The following GHRL variants were observed in gnomAD, a reference collection of about 807,000 sequenced individuals.
GHRL encodes the protein appetite-regulating hormone.
Under a neutral mutation model 16.9 loss-of-function variants are expected in GHRL, and 24 were observed. The ratio of observed to expected loss-of-function variants is 1.42; its 90% confidence interval spans 1.03 to 2.00. The LOEUF (loss-of-function observed/expected upper bound fraction) is 2.00. Among genes scored for constraint, GHRL ranks in the 30% most tolerant of loss-of-function variants. The pLI is 0.00. For synonymous variants in GHRL, 63 were observed against 58.2 expected (o/e 1.08, Z -0.37); for missense variants, 193 against 142.1 (o/e 1.36, Z -1.82).
Position 10,291,091 on chromosome 3 carries a change from G to A in GHRL, c.-405C>T. On this transcript the variant is annotated 5_prime_UTR_variant, in exon 2 of 6. Transcript: ENST00000335542. ...CGCCCTTTCTCCCTGGGTAAAATGA[G>A]GCTGTCATCACTAGGAGAGCTCTGA... The A allele has an allele frequency of 1.0e-6, 1 of 985,670 alleles. No homozygotes were observed. Among genetic ancestry groups the A allele is most frequent in the Non-Finnish European group, 1.2e-6 (1 of 830,106 alleles). 61.1% of individuals were successfully genotyped at this position (985,670 alleles called of 1,614,324 possible).
At chr3:10,292,532 A>T (rs1355502125) in intron 1 of GHRL, 2 of 364,340 alleles carry the variant, frequency 5.5e-6, no homozygotes, top group African/African-American at 4.3e-5. Context: ...TGAGGGACAA[A>T]GTACCTCCTG....
chr3:10,285,978 G>A, intron 5 of GHRL, 84 bp from the exon 6 acceptor site: 1 of 1,237,802 alleles, frequency 8.1e-7, no homozygotes, highest in Non-Finnish European at 1.2e-6. Context: ...TTGGAGGTGG[G>A]ATGTAATGGT....
chr3:10,288,621 C>T (rs187828135), intron 4 of GHRL, among the ~76,000 whole-genome samples: 7 of 152,314 alleles, frequency 4.6e-5, no homozygotes, highest in South Asian at 4.1e-4. Context: ...TGGATCCCAC[C>T]GTGTAGAGGA....
intron 4 of GHRL, among the ~76,000 whole-genome samples, chr3:10,288,870 G>C (rs1339341096): frequency 1.3e-5 from 2 of 152,224 alleles, no homozygotes; most frequent in Non-Finnish European, 2.9e-5. Context: ...CCCTGACCTT[G>C]TGTCGCGTCC....
intron 1 of GHRL, chr3:10,292,250 T>C (rs1360625868): frequency 6.6e-6 from 1 of 152,342 alleles, no homozygotes; most frequent in Non-Finnish European, 1.5e-5. Flanking sequence ...GATTCCCCCA[T>C]GGATCTCTTG....
chr3:10,291,783 G>A (rs1700054769), intron 1 of GHRL, among the ~76,000 whole-genome samples: 1 of 152,210 alleles, frequency 6.6e-6, no homozygotes, highest in Middle Eastern at 3.2e-3. Context: ...AGCAGTTCAG[G>A]AGAGGAGCTC....
At position 10,290,581 on chromosome 3, in the gene GHRL, G is replaced by A; in HGVS notation, c.-30+135C>T. Reference sequence around the variant, plus strand: ...AGAGGTAGCTCCTAAATGAAGCTCTGTCTTCCAGCCAGACAGTCCGACATC... The same window carrying A: ...AGAGGTAGCTCCTAAATGAAGCTCTATCTTCCAGCCAGACAGTCCGACATC... On this transcript the variant is annotated intron_variant, in intron 2 of 5. Transcript: ENST00000335542. 2 of 309,936 alleles carry A rather than the reference G, an allele frequency of 6.5e-6. 1 individual carries two copies. 19.2% of individuals were successfully genotyped at this position (309,936 alleles called of 1,614,324 possible).
chr3:10,289,798 A>T lies in GHRL; in HGVS notation c.189T>A (p.Gly63=). ...LAGWLRPEDG[G]QAEGAEDELE... is the part of the protein sequence containing the mutation. ...GTTCATCCTCTGCCCCTTCTGCTTG[A>T]CCTCCATCTTCCGGGCGGAGCCAGC... Residue 63 remains glycine (G), a synonymous_variant, in exon 4 of 6, where the codon GGT becomes GGA. Transcript: ENST00000335542. 1 of 1,610,130 alleles carries T rather than the reference A, an allele frequency of 6.2e-7. No individual in the cohort carries two copies. Among genetic ancestry groups the T allele is most frequent in the Non-Finnish European group, 8.5e-7 (1 of 1,178,610 alleles).
At chr3:10,292,374 G>A (rs1453127138) in intron 1 of GHRL, 1 of 169,104 alleles carries the variant, frequency 5.9e-6, no homozygotes. Context: ...CGTCCAGTGA[G>A]GAGGACATTG....
At chr3:10,285,998 G>C in intron 5 of GHRL, 104 bp from the exon 6 acceptor site, 1 of 1,030,244 alleles carries the variant, frequency 9.7e-7, no homozygotes. Flanking sequence ...TGGGGGTTGT[G>C]GGGAAGCACT....
chr3:10,290,272 G>A, intron 2 of GHRL, 63 bp from the exon 3 acceptor site: 2 of 1,504,780 alleles, frequency 1.3e-6, no homozygotes, highest in African/African-American at 2.8e-5. Flanking sequence ...AGCTTGCTCA[G>A]GTAGGAGCCC....
Position 10,290,943 on chromosome 3 carries a change from C to T in GHRL, c.-257G>A. ...TTGGCGAGGGAAGAAGCATGTGCTCCAGCTGTCCCTGGAACACGGTGGCGG... is the reference window on the plus strand; with the variant it reads ...TTGGCGAGGGAAGAAGCATGTGCTCTAGCTGTCCCTGGAACACGGTGGCGG... On this transcript the variant is annotated 5_prime_UTR_variant, in exon 2 of 6. The change creates a premature stop within an existing upstream ORF in the 5' untranslated region. Coordinates refer to ENST00000335542, the MANE Select transcript of GHRL (RefSeq NM_016362.5). 1.0e-6 allele frequency: 1 copy of T among 985,790 alleles called. No homozygotes were observed. Among genetic ancestry groups the T allele is most frequent in the Non-Finnish European group, 1.2e-6 (1 of 830,126 alleles). 61.1% of individuals were successfully genotyped at this position (985,790 alleles called of 1,614,324 possible).
Position 10,289,827 on chromosome 3 carries a change from C to G in GHRL, c.160G>C (p.Ala54Pro). The G allele has an allele frequency of 1.2e-6, 2 of 1,613,884 alleles. No individual in the cohort carries two copies. The highest frequency in any genetic ancestry group is 1.7e-6 in the Non-Finnish European group (2 of 1,179,924). Residue 54 changes from alanine (A) to proline (P), a missense_variant, in exon 4 of 6, where the codon GCA (alanine) becomes CCA (proline). Ala to Pro is a conservative substitution (Grantham distance 27). Coordinates refer to ENST00000335542, the MANE Select transcript of GHRL (RefSeq NM_016362.5). ...PPAKLQPRAL[A>P]GWLRPEDGGQ... ...CCATCTTCCGGGCGGAGCCAGCCTG[C>G]TAGAGCTCGGGGCTGCAGCTTGGCT... is the stretch of plus-strand genomic sequence containing the variant.
chr3:10,291,218 C>A lies in GHRL; in HGVS notation c.-532G>T. 1.0e-6 allele frequency: 1 copy of A among 985,572 alleles called. No homozygotes were observed. Among genetic ancestry groups the A allele is most frequent in the African/African-American group, 1.7e-5 (1 of 57,378 alleles). 61.1% of individuals were successfully genotyped at this position (985,572 alleles called of 1,614,324 possible). A position where few individuals can be genotyped will look rare whatever the true frequency, so the allele number is the denominator to read the frequency against. On this transcript the variant is annotated 5_prime_UTR_variant, in exon 2 of 6. Transcript: ENST00000335542. ...AGGGAGCCAGGCTGGTGATTCTACACCTTCCCGAGGAGGAGTCCCACCTCC... is the reference window on the plus strand; with the variant it reads ...AGGGAGCCAGGCTGGTGATTCTACAACTTCCCGAGGAGGAGTCCCACCTCC...
chr3:10,291,473 T>C (rs1031449061), intron 1 of GHRL, 22 bp from the exon 2 acceptor site: 1 of 985,356 alleles, frequency 1.0e-6, no homozygotes, highest in Non-Finnish European at 1.2e-6. Context: ...AGATCTACGC[T>C]TAGCACGGGC....
intron 4 of GHRL, among the ~76,000 whole-genome samples, chr3:10,289,205 TG>T (rs1699554425): frequency 6.6e-6 from 1 of 152,166 alleles, no homozygotes; most frequent in African/African-American, 2.4e-5. Context: ...TCTCCATCCT[TG>T]GGTTGTCTTA....
At chr3:10,287,996 G>A (rs1404736460) in intron 4 of GHRL, 15 of 138,038 alleles carry the variant, frequency 1.1e-4, no homozygotes, top group African/African-American at 4.1e-4. Context: ...TTCTTCCACC[G>A]CTGAGGCAAA....
rs867308216 is a variant in GHRL at position 10,285,853 on chromosome 3, G to A, written c.*22C>T. On this transcript the variant is annotated 3_prime_UTR_variant, in exon 6 of 6. Transcript: ENST00000335542. ...ATGAGCGCTTCTAAACTTAGAGAGA[G>A]GTGAGTAAGGCTTGTGGGCGATCAC... is the stretch of plus-strand genomic sequence containing the variant. 2.5e-6 allele frequency: 4 copies of A among 1,609,228 alleles called. No individual in the cohort carries two copies. Among genetic ancestry groups the A allele is most frequent in the African/African-American group, 1.3e-5 (1 of 74,818 alleles).
At position 10,285,753 on chromosome 3, in the gene GHRL, A is replaced by T; in HGVS notation, c.*122T>A. On this transcript the variant is annotated 3_prime_UTR_variant, in exon 6 of 6. Coordinates refer to ENST00000335542, the MANE Select transcript of GHRL (RefSeq NM_016362.5). Reference sequence around the variant, plus strand: ...ATTCCCATTTGGAACATCAGCATACAGTTTGAACATTTATTCGCCTCCTGA... The same window carrying T: ...ATTCCCATTTGGAACATCAGCATACTGTTTGAACATTTATTCGCCTCCTGA... The T allele has an allele frequency of 1.4e-6, 1 of 719,476 alleles. No individual in the cohort carries two copies. Among genetic ancestry groups the T allele is most frequent in the Non-Finnish European group, 2.5e-6 (1 of 399,216 alleles). 44.6% of individuals were successfully genotyped at this position (719,476 alleles called of 1,614,324 possible).
Sources: gnomAD v4.1 joint callset for allele counts (sites outside exome capture counted in the v4.1 genomes callset) on GRCh38, gnomAD v4.1.1 for gene constraint, MANE v1.5 for transcripts, NCBI Gene and HGNC (gene_info 2026-07-23, HGNC 2026-07-21) for gene names.